The following RYR2 variants were observed in gnomAD, a reference collection of about 807,000 sequenced individuals.
RYR2 encodes the protein ryanodine receptor 2.
A neutral mutation model predicts 601.1 loss-of-function variants in RYR2; 227 were observed. The ratio of observed to expected loss-of-function variants is 0.38; its 90% CI spans 0.34 to 0.42. The LOEUF (loss-of-function observed/expected upper bound fraction) is 0.42, where lower values mean the gene tolerates loss of function less well. Among genes scored for constraint, RYR2 ranks in the 10% least tolerant of loss-of-function variants. RYR2 has a pLI of 1.00. For missense variants in RYR2, 4,646 were observed against 6,156.5 expected (o/e 0.75, Z 8.21); for synonymous variants, 2,223 against 2,175.1 (o/e 1.02, Z -0.61).
At position 237,065,565 on chromosome 1, in the gene RYR2, G is replaced by A. The variant is rs536846414; in HGVS notation, c.48+22996G>A. The stretch of plus-strand genomic sequence containing the variant: ...CTCCCAAAGTGCTGGGATTACAGGC[G>A]TGAGCCACCGTGCCTGGCCTGCTAT... On this transcript the variant is annotated intron_variant, in intron 1 of 104. Transcript: ENST00000366574. Among the ~76,000 whole-genome samples the A allele has an allele frequency of 5.9e-4, 90 of 152,140 alleles. 1 individual carries two copies. Among genetic ancestry groups the A allele is most frequent in the South Asian group, 3.1e-3 (15 of 4,818 alleles).
At position 237,614,745 on chromosome 1, in the gene RYR2, G is replaced by A. The variant is rs1312516879; in HGVS notation, c.5617G>A (p.Ala1873Thr). ...GGAGAAAGAGCTCAGTGTGGACGAT[G>A]CAAAGCTGCAAGGAGCTGGTGAGGA... ...TLEKELSVDD[A>T]KLQGAGEEEA... The change falls in exon 37 of 105, where the codon GCA becomes ACA. Residue 1873 changes from alanine to threonine, a missense_variant. Ala to Thr is a moderately conservative substitution (Grantham distance 58). This residue lies in a region of RYR2 where 1,807 missense variants were observed against 2,088.1 expected (regional missense o/e 0.87). Transcript: ENST00000366574. The surrounding 1 kb of genome is among the most constrained non-coding windows in gnomAD (Gnocchi z 4.3). 1.2e-6 allele frequency: 2 copies of A among 1,613,718 alleles called. No individual in the cohort carries two copies. The highest frequency in any genetic ancestry group is 2.2e-5 in the East Asian group (1 of 44,876).
chr1:237,438,724 A>C (rs947959000), intron 12 of RYR2, among the ~76,000 whole-genome samples: 1 of 152,218 alleles, frequency 6.6e-6, no homozygotes, highest in African/African-American at 2.4e-5. Flanking sequence ...AAAGCAGCAG[A>C]TTGCTGCTGC....
At chr1:237,473,474 T>TTTCTTTCTTTCTTC (rs1553464743) in intron 17 of RYR2, among the ~76,000 whole-genome samples, 4 of 150,392 alleles carry the variant, frequency 2.7e-5, no homozygotes, top group East Asian at 2.0e-4. Flanking sequence ...TCTATCTATC[T>TTTCTTTCTTTCTTC]ATCTGGCATA....
intron 2 of RYR2, among the ~76,000 whole-genome samples, chr1:237,325,299 A>G (rs1456402846): frequency 2.0e-5 from 3 of 152,174 alleles, no homozygotes; most frequent in Admixed American, 6.5e-5. Context: ...TATAGCGTGA[A>G]CCCATTAATG....
intron 43 of RYR2, 75 bp from the exon 44 acceptor site, chr1:237,634,814 G>C: frequency 1.9e-6 from 2 of 1,061,246 alleles, no homozygotes; most frequent in Non-Finnish European, 2.8e-6. Context: ...AATTTTAAGA[G>C]GTAGTATATT....
At chr1:237,563,016 A>G (rs1671608278) in intron 27 of RYR2, among the ~76,000 whole-genome samples, 1 of 152,234 alleles carries the variant, frequency 6.6e-6, no homozygotes, top group South Asian at 2.1e-4. Flanking sequence ...CTACAAACCC[A>G]GATTTCACTT....
At chr1:237,314,966 A>C (rs1343024505) in intron 2 of RYR2, among the ~76,000 whole-genome samples, 2 of 152,226 alleles carry the variant, frequency 1.3e-5, no homozygotes, top group Non-Finnish European at 2.9e-5. Context: ...ATTAATATTA[A>C]ATCTCTTTAT....
At chr1:237,238,909 A>T (rs915325716) in intron 1 of RYR2, among the ~76,000 whole-genome samples, 1 of 150,460 alleles carries the variant, frequency 6.6e-6, no homozygotes, top group Admixed American at 6.6e-5. Flanking sequence ...AGTATGAGTT[A>T]GGGGCATCCA....
intron 10 of RYR2, among the ~76,000 whole-genome samples, chr1:237,392,798 A>G (rs1283464126): frequency 1.3e-5 from 2 of 152,208 alleles, no homozygotes; most frequent in South Asian, 2.1e-4. Context: ...TTAAGGAAAC[A>G]TTGTTTGAAA....
chr1:237,398,324 T>C (rs533835400), intron 10 of RYR2, among the ~76,000 whole-genome samples: 10 of 151,668 alleles, frequency 6.6e-5, no homozygotes, highest in Non-Finnish European at 1.5e-4. Context: ...GTGGAGAGGG[T>C]AAAAAGACAA....
Position 237,590,206 on chromosome 1 carries a change from CTT to C in RYR2, c.3807+217_3807+218del, listed in dbSNP as rs11307093. Among the ~76,000 whole-genome samples the C allele has an allele frequency of 2.9e-4, 43 of 147,616 alleles. 1 individual carries two copies. In the East Asian group the frequency reaches 4.0e-3, roughly 14 times the overall value. The stretch of plus-strand genomic sequence containing the variant: ...AACTTTTAAATTTTTGCTTTCAATT[CTT>C]TTTTTTTTTTTCTTGAGCTATGTGT... On this transcript the variant is annotated intron_variant, in intron 30 of 104. Coordinates refer to ENST00000366574, the MANE Select transcript of RYR2 (RefSeq NM_001035.3).
At chr1:237,129,760 AAG>A (rs1671952780) in intron 1 of RYR2, among the ~76,000 whole-genome samples, 1 of 151,736 alleles carries the variant, frequency 6.6e-6, no homozygotes, top group South Asian at 2.1e-4. Flanking sequence ...AGCCATAAAA[AAG>A]AATGAAATTC....
intron 2 of RYR2, among the ~76,000 whole-genome samples, chr1:237,322,351 C>T (rs1425931185): frequency 1.3e-5 from 2 of 152,122 alleles, no homozygotes; most frequent in Non-Finnish European, 2.9e-5. Context: ...TTTTGTGAAA[C>T]TCTAGACAAG....
At chr1:237,051,319 TCCCTCCCCTC>T (rs1229230949) in intron 1 of RYR2, among the ~76,000 whole-genome samples, 3 of 123,818 alleles carry the variant, frequency 2.4e-5, no homozygotes, top group South Asian at 3.2e-4. Flanking sequence ...TTTATCTCTC[TCCCTCCCCTC>T]CCCTCCCCTC....
At chr1:237,438,336 A>T (rs1029912581) in intron 12 of RYR2, among the ~76,000 whole-genome samples, 1 of 152,174 alleles carries the variant, frequency 6.6e-6, no homozygotes. Flanking sequence ...TCCAAAAAAT[A>T]TAGCTCACAT....
In RYR2 at chr1:237,778,649, G is replaced by T. The variant is rs775574633; in HGVS notation, c.11776-17G>T. ...AAATTATGAGGAATAATTGCCGTTT[G>T]TCTGTTTATGCTCCAGGGTCCTTGC... On this transcript the variant is annotated splice_polypyrimidine_tract_variant and intron_variant, in intron 87 of 104. Coordinates refer to ENST00000366574, the MANE Select transcript of RYR2 (RefSeq NM_001035.3). The T allele has an allele frequency of 2.2e-6, 3 of 1,386,142 alleles. No individual in the cohort carries two copies. Among genetic ancestry groups the T allele is most frequent in the Admixed American group, 1.8e-5 (1 of 55,670 alleles). The allele number at this position is 1,386,142 out of a possible 1,614,324, so 85.9% of individuals were successfully genotyped here.
At chr1:237,670,416 C>G (rs377038758) in intron 58 of RYR2, among the ~76,000 whole-genome samples, 5 of 152,004 alleles carry the variant, frequency 3.3e-5, no homozygotes, top group Admixed American at 1.3e-4. Flanking sequence ...GGATAATATG[C>G]CTGTATTCTA....
At chr1:237,677,515 A>G (rs1685507408) in intron 60 of RYR2, among the ~76,000 whole-genome samples, 1 of 152,168 alleles carries the variant, frequency 6.6e-6, no homozygotes, top group African/African-American at 2.4e-5. Context: ...TTGCCAACCT[A>G]ATATTAAAAT....
rs190585374 is a variant in RYR2 at position 237,817,816 on chromosome 1, C to T, written c.14434-1220C>T. Among the ~76,000 whole-genome samples, 5 of 152,280 alleles carry T rather than the reference C, an allele frequency of 3.3e-5. No individual in the cohort carries two copies. In the East Asian group the frequency reaches 7.7e-4, roughly 24 times the overall value. On this transcript the variant is annotated intron_variant, in intron 100 of 104. Coordinates refer to ENST00000366574, the MANE Select transcript of RYR2 (RefSeq NM_001035.3). ...GGAGTGTGGTGTTTCTGTGTTAAGG[C>T]TTTTGTCCCCATCATTCTGGTCAGC...
Sources: gnomAD v4.1 joint callset for allele counts (sites outside exome capture counted in the v4.1 genomes callset) on GRCh38, gnomAD v4.1.1 for gene constraint, gnomAD v4.1.1 regional missense constraint, Gnocchi (gnomAD v3.1) non-coding constraint, MANE v1.5 for transcripts, NCBI Gene and HGNC (gene_info 2026-07-23, HGNC 2026-07-21) for gene names.